CEP120: variants seen among roughly 807,000 people sequenced by gnomAD.
CEP120 encodes centrosomal protein 120.
In CEP120, 113 loss-of-function variants were observed where a neutral mutation model predicts 126.5. The ratio of observed to expected loss-of-function variants is 0.89; its 90% confidence interval spans 0.77 to 1.04. The LOEUF (loss-of-function observed/expected upper bound fraction) is 1.04, where lower values mean the gene tolerates loss of function less well. CEP120 is among the 50% of genes least tolerant of loss of function. The pLI, the probability that CEP120 is intolerant of heterozygous loss-of-function variation, is 0.00. For missense variants in CEP120, 1,230 were observed against 1,155.7 expected (o/e 1.06, Z -0.93); for synonymous variants, 400 against 394.3 (o/e 1.01, Z -0.17).
At chr5:123,348,874 C>CT (rs1158845195) in intron 19 of CEP120, among the ~76,000 whole-genome samples, 1 of 152,122 alleles carries the variant, frequency 6.6e-6, no homozygotes, top group Non-Finnish European at 1.5e-5. Flanking sequence ...AGGTGGGTCT[C>CT]TAAAACCAAC....
chr5:123,349,669 C>T (rs1769070435), intron 19 of CEP120, among the ~76,000 whole-genome samples: 1 of 152,076 alleles, frequency 6.6e-6, no homozygotes, highest in Non-Finnish European at 1.5e-5. Flanking sequence ...CACAAGGTCT[C>T]ACTCTGTCAC....
intron 9 of CEP120, 23 bp from the exon 10 acceptor site, chr5:123,386,690 A>C: frequency 7.0e-7 from 1 of 1,430,756 alleles, no homozygotes; most frequent in Non-Finnish European, 9.2e-7. Context: ...AAAAAAAAAA[A>C]AAAAAAAAGC....
intron 10 of CEP120, among the ~76,000 whole-genome samples, chr5:123,386,118 GT>G (rs1354549623): frequency 1.3e-5 from 2 of 151,674 alleles, no homozygotes; most frequent in Non-Finnish European, 2.9e-5. Flanking sequence ...CTAGTTATAG[GT>G]TTAAAAAAAC....
chr5:123,379,452 T>C (rs529394404), intron 14 of CEP120, among the ~76,000 whole-genome samples: 6 of 152,234 alleles, frequency 3.9e-5, no homozygotes, highest in Admixed American at 6.5e-5. Context: ...CTGATATTTC[T>C]ACCGTTCTCA....
Position 123,393,481 on chromosome 5 carries a change from A to G in CEP120, c.629T>C (p.Met210Thr). Residue 210 changes from methionine (M) to threonine (T), a missense_variant, in exon 6 of 20, where the codon ATG (methionine) becomes ACG (threonine). Transcript: ENST00000306467. ...CTCAGGCTGTCTTTCTGGAAGTTTCATGGTACATGGAATTAACTAAACATT... is the reference window on the plus strand; with the variant it reads ...CTCAGGCTGTCTTTCTGGAAGTTTCGTGGTACATGGAATTAACTAAACATT... ...TQLEQLIPCTMKLPERQPEFF... is the reference protein window; with the variant it reads ...TQLEQLIPCTTKLPERQPEFF... The G allele has an allele frequency of 3.7e-6, 6 of 1,613,706 alleles. No homozygotes were observed. Among genetic ancestry groups the G allele is most frequent in the South Asian group, 1.1e-5 (1 of 91,072 alleles).
At chr5:123,350,287 C>T (rs937414248) in intron 18 of CEP120, among the ~76,000 whole-genome samples, 198 bp from the exon 19 acceptor site, 1 of 152,050 alleles carries the variant, frequency 6.6e-6, no homozygotes, top group African/African-American at 2.4e-5. Context: ...CAACGAAGCA[C>T]ACTACAGCCA....
rs188617253 is a variant in CEP120, at chr5:123,368,229, G to C, written c.2482-3635C>G. Among the ~76,000 whole-genome samples the C allele has an allele frequency of 5.2e-3, 786 of 151,818 alleles. 3 individuals carry two copies. The highest frequency in any genetic ancestry group is 0.02 in the Middle Eastern group (6 of 294). ...ACCTAGTCAACCAGTCTGTATTCAG[G>C]GATGAATAAGATAACACCTCTGTTA... On this transcript the variant is annotated intron_variant, in intron 17 of 19. Transcript: ENST00000306467.
intron 18 of CEP120, among the ~76,000 whole-genome samples, chr5:123,356,046 A>G (rs1315895084): frequency 6.6e-6 from 1 of 152,126 alleles, no homozygotes; most frequent in Non-Finnish European, 1.5e-5. Context: ...TCCTTTCCCC[A>G]TTTCCTGTTT....
intron 3 of CEP120, among the ~76,000 whole-genome samples, chr5:123,415,283 AC>A (rs2127133839): frequency 6.6e-6 from 1 of 152,308 alleles, no homozygotes; most frequent in East Asian, 1.9e-4. Flanking sequence ...AAAAAACCCA[AC>A]TGGGAACAGG....
intron 4 of CEP120, among the ~76,000 whole-genome samples, chr5:123,411,693 G>A (rs1020278367): frequency 1.3e-5 from 2 of 152,204 alleles, no homozygotes; most frequent in Non-Finnish European, 2.9e-5. Context: ...TGGGAGGAGG[G>A]AGGAATGAAT....
At chr5:123,405,401 G>A (rs554030114) in intron 4 of CEP120, among the ~76,000 whole-genome samples, 1 of 152,322 alleles carries the variant, frequency 6.6e-6, no homozygotes, top group East Asian at 1.9e-4. Context: ...GAAGAGAAAA[G>A]AAACCATTCT....
chr5:123,348,327 A>G (rs1768974702), intron 19 of CEP120, among the ~76,000 whole-genome samples: 1 of 152,204 alleles, frequency 6.6e-6, no homozygotes, highest in Non-Finnish European at 1.5e-5. Context: ...TCTTTAACCC[A>G]CCAAAACAGT....
intron 9 of CEP120, 116 bp downstream of exon 9, chr5:123,388,316 C>A: frequency 6.3e-6 from 4 of 637,446 alleles, no homozygotes; most frequent in Non-Finnish European, 9.8e-6. Context: ...CCTTTTAGTC[C>A]ACTGATTTAA....
At position 123,345,891 on chromosome 5, in the gene CEP120, T is replaced by C. The variant is rs1768780445; in HGVS notation, c.*628A>G. 1 of 152,124 alleles carries C rather than the reference T, an allele frequency of 6.6e-6. No individual in the cohort carries two copies. The highest frequency in any genetic ancestry group is 2.1e-4 in the South Asian group (1 of 4,830). 9.4% of individuals were successfully genotyped at this position (152,124 alleles called of 1,614,324 possible). A position where few individuals can be genotyped will look rare whatever the true frequency, so the allele number is the denominator to read the frequency against. On this transcript the variant is annotated 3_prime_UTR_variant, in exon 20 of 20. Coordinates refer to ENST00000306467, the MANE Select transcript of CEP120 (RefSeq NM_001375405.1). ...AGCTAATACTTCATGTTCTTAAAAG[T>C]TATAAATACACTGAAAATTTGAAAA...
intron 18 of CEP120, chr5:123,358,591 C>G (rs1024694381): frequency 6.6e-6 from 1 of 152,000 alleles, no homozygotes; most frequent in Non-Finnish European, 1.5e-5. Context: ...CTTTAGATTA[C>G]TCTATAAAAG....
At chr5:123,410,130 C>A (rs535484204) in intron 4 of CEP120, among the ~76,000 whole-genome samples, 1 of 151,818 alleles carries the variant, frequency 6.6e-6, no homozygotes, top group African/African-American at 2.4e-5. Flanking sequence ...ATAAAGAATT[C>A]GTATATAAAT....
rs141878915 is a variant in CEP120 at position 123,420,434 on chromosome 5, T to C, written c.50-1919A>G. The stretch of plus-strand genomic sequence containing the variant: ...TTTTCTTTTAAATAAAGGGCATTTC[T>C]AAAAGTGTAGTCAAGAAATTGCAAG... On this transcript the variant is annotated intron_variant, in intron 1 of 19. Coordinates refer to ENST00000306467, the MANE Select transcript of CEP120 (RefSeq NM_001375405.1). Among the ~76,000 whole-genome samples, 66 of 152,290 alleles carry C rather than the reference T, an allele frequency of 4.3e-4. 1 individual carries two copies. The highest frequency in any genetic ancestry group is 1.6e-3 in the African/African-American group (66 of 41,566).
At chr5:123,364,220 G>A (rs749130809) in intron 18 of CEP120, among the ~76,000 whole-genome samples, 3 of 151,454 alleles carry the variant, frequency 2.0e-5, no homozygotes, top group Non-Finnish European at 4.4e-5. Context: ...AGAAAAGGGT[G>A]GTTGTTTTAT....
At chr5:123,349,190 A>G (rs1302898517) in intron 19 of CEP120, among the ~76,000 whole-genome samples, 1 of 152,186 alleles carries the variant, frequency 6.6e-6, no homozygotes, top group Admixed American at 6.5e-5. Flanking sequence ...AGTGTAGCAC[A>G]GTAGTTAAAA....
Sources: gnomAD v4.1 joint callset for allele counts (sites outside exome capture counted in the v4.1 genomes callset) on GRCh38, gnomAD v4.1.1 for gene constraint, MANE v1.5 for transcripts, NCBI Gene and HGNC (gene_info 2026-07-23, HGNC 2026-07-21) for gene names.